Variants in SYN3 observed in about 807,000 individuals in gnomAD.
SYN3 encodes the protein synapsin-3.
A neutral mutation model predicts 65.8 loss-of-function variants in SYN3; 35 were observed. The ratio of observed to expected loss-of-function variants is 0.53; its 90% CI spans 0.41 to 0.70. The LOEUF is 0.70. SYN3 is among the 30% of genes least tolerant of loss of function. SYN3 has a pLI of 0.00. For synonymous variants in SYN3, 270 were observed against 292.9 expected (o/e 0.92, Z 0.80); for missense variants, 680 against 749.0 (o/e 0.91, Z 1.08).
In SYN3 at chr22:32,512,121, GTTTGGT is replaced by G. The variant is rs1568988790; in HGVS notation, c.*1565_*1570del. Among the ~76,000 whole-genome samples the G allele has an allele frequency of 6.6e-6, 1 of 152,192 alleles. No individual in the cohort carries two copies. Among genetic ancestry groups the G allele is most frequent in the Non-Finnish European group, 1.5e-5 (1 of 68,024 alleles). ...CTCTGGCCCTGACGTCACCACTCCA[GTTTGGT>G]TTTGAAGGACCAAAAAGGAGATGAT... On this transcript the variant is annotated 3_prime_UTR_variant, in exon 14 of 14. Coordinates refer to ENST00000358763, the MANE Select transcript of SYN3 (RefSeq NM_003490.4).
intron 12 of SYN3, among the ~76,000 whole-genome samples, chr22:32,523,311 G>C (rs1396728083): frequency 1.3e-5 from 2 of 152,160 alleles, no homozygotes; most frequent in Non-Finnish European, 2.9e-5. Flanking sequence ...AGCAGATCGA[G>C]ACCATCATGG....
At chr22:33,026,189 A>G (rs1432374965) in intron 1 of SYN3, among the ~76,000 whole-genome samples, 1 of 152,184 alleles carries the variant, frequency 6.6e-6, no homozygotes, top group African/African-American at 2.4e-5. Flanking sequence ...TTATTACAGT[A>G]ACTCTTGATA....
rs1038608340 is a variant in SYN3 at position 32,508,029 on chromosome 22, C to G, written c.*5663G>C. ...TTTTCGTCGCCCCAACACTTCAACA[C>G]TATTTTGTTTTATTTTTCTTATTAA... On this transcript the variant is annotated 3_prime_UTR_variant, in exon 14 of 14. Transcript: ENST00000358763. 9.9e-5 allele frequency among the ~76,000 whole-genome samples: 15 copies of G among 152,172 alleles called. No individual in the cohort carries two copies. The highest frequency in any genetic ancestry group is 2.1e-4 in the Non-Finnish European group (14 of 68,018).
chr22:32,970,411 G>T (rs1010571367), intron 3 of SYN3, among the ~76,000 whole-genome samples: 3 of 151,680 alleles, frequency 2.0e-5, no homozygotes, highest in Non-Finnish European at 2.9e-5. Context: ...TGAGGCCAAG[G>T]TGGGAGGATC....
intron 6 of SYN3, among the ~76,000 whole-genome samples, chr22:32,642,751 G>A (rs1475469193): frequency 6.6e-6 from 1 of 151,988 alleles, no homozygotes; most frequent in African/African-American, 2.4e-5. Flanking sequence ...TGAGATGGGG[G>A]TCTCACTATG....
rs1019218374 is a variant in SYN3 at position 32,981,938 on chromosome 22, C to T, written c.312-1236G>A. 3.3e-5 allele frequency among the ~76,000 whole-genome samples: 5 copies of T among 152,094 alleles called. No individual in the cohort carries two copies. In the East Asian group the frequency reaches 9.6e-4, roughly 29 times the overall value. ...TGGTTTATCTTGGTATCCTCCAACC[C>T]TCCAATTTAGTCTTCAGAAATATGT... On this transcript the variant is annotated intron_variant, in intron 2 of 13. Transcript: ENST00000358763.
intron 9 of SYN3, among the ~76,000 whole-genome samples, chr22:32,537,167 C>CT (rs901851561): frequency 1.3e-4 from 19 of 149,200 alleles, no homozygotes; most frequent in South Asian, 4.3e-4. Context: ...CCTTCCCCCC[C>CT]TTTTTTTTTT....
intron 6 of SYN3, among the ~76,000 whole-genome samples, chr22:32,752,369 C>A (rs558138568): frequency 4.6e-5 from 7 of 152,170 alleles, no homozygotes; most frequent in Non-Finnish European, 8.8e-5. Context: ...TCCTCACTAC[C>A]AAAATCTTGC....
At position 32,631,309 on chromosome 22, in the gene SYN3, CAAA is replaced by C. The variant is rs10606436; in HGVS notation, c.712-34576_712-34574del. On this transcript the variant is annotated intron_variant, in intron 6 of 13. Coordinates refer to ENST00000358763, the MANE Select transcript of SYN3 (RefSeq NM_003490.4). ...AAACTCCATCTCAAAACGAAACAAG[CAAA>C]AAAAAAAAAAAAACCCAGAAAAACC... is the stretch of plus-strand genomic sequence containing the variant. Among the ~76,000 whole-genome samples, 564 of 133,858 alleles carry C rather than the reference CAAA, an allele frequency of 4.2e-3. 7 individuals carry two copies. The highest frequency in any genetic ancestry group is 0.014 in the African/African-American group (520 of 36,768). 87.8% of individuals were successfully genotyped at this position (133,858 alleles called of 152,430 possible).
intron 6 of SYN3, among the ~76,000 whole-genome samples, chr22:32,678,992 C>T (rs2060484534): frequency 6.7e-6 from 1 of 148,492 alleles, no homozygotes; most frequent in Non-Finnish European, 1.5e-5. Flanking sequence ...TTTTTTAAGG[C>T]TAAATAATAT....
chr22:33,045,471 T>TC (rs2054044957), intron 1 of SYN3, among the ~76,000 whole-genome samples: 1 of 137,304 alleles, frequency 7.3e-6, no homozygotes, highest in Non-Finnish European at 1.6e-5. Context: ...TTTTTTTTTT[T>TC]TTTTTTTTTT....
At chr22:33,012,570 G>T (rs2053375187) in intron 1 of SYN3, among the ~76,000 whole-genome samples, 1 of 152,230 alleles carries the variant, frequency 6.6e-6, no homozygotes, top group Non-Finnish European at 1.5e-5. Context: ...CTTGCAAGCA[G>T]GAAGTTTATT....
rs765668968 is a variant in SYN3, at chr22:33,006,544, A to C, written c.119T>G (p.Met40Arg). The C allele has an allele frequency of 4.0e-5, 65 of 1,614,074 alleles. No homozygotes were observed. The highest frequency in any genetic ancestry group is 5.5e-5 in the Non-Finnish European group (65 of 1,180,046). ...SSTSSPASPA[M>R]ERRHPQPLAA... ...CAGGGGCTGGGGGTGCCTCCTCTCC[A>C]TGGCGGGGGAAGCAGGTGAGCTGGT... The change falls in exon 2 of 14, where the codon ATG becomes AGG. Residue 40 changes from methionine (M) to arginine (R), a missense_variant. Met to Arg is a moderately conservative substitution (Grantham distance 91). Transcript: ENST00000358763.
intron 5 of SYN3, among the ~76,000 whole-genome samples, chr22:32,865,228 T>G (rs1326290213): frequency 6.6e-6 from 1 of 152,210 alleles, no homozygotes; most frequent in Non-Finnish European, 1.5e-5. Flanking sequence ...ACCTAGTAAG[T>G]AGGCAGAACA....
At chr22:32,701,663 A>G (rs1288446995) in intron 6 of SYN3, among the ~76,000 whole-genome samples, 3 of 152,220 alleles carry the variant, frequency 2.0e-5, no homozygotes, top group African/African-American at 7.2e-5. Flanking sequence ...AAGTGAAATT[A>G]AATGCAAATT....
At chr22:32,556,381 T>C (rs2058496053) in intron 7 of SYN3, among the ~76,000 whole-genome samples, 1 of 152,296 alleles carries the variant, frequency 6.6e-6, no homozygotes, top group African/African-American at 2.4e-5. Flanking sequence ...TACTTAGTTT[T>C]TGGCACAACC....
intron 6 of SYN3, among the ~76,000 whole-genome samples, chr22:32,709,644 A>G (rs974910083): frequency 6.6e-6 from 1 of 152,196 alleles, no homozygotes; most frequent in African/African-American, 2.4e-5. Context: ...TTAAAAAAGG[A>G]ATATCACCTC....
At chr22:32,855,456 G>A (rs937374854) in intron 6 of SYN3, among the ~76,000 whole-genome samples, 1 of 152,218 alleles carries the variant, frequency 6.6e-6, no homozygotes, top group East Asian at 1.9e-4. Flanking sequence ...ATGGGTAAGA[G>A]TATGGACTCT....
rs2058233885 is a variant in SYN3, at chr22:32,540,294, C to G, written c.917+1277G>C. Among the ~76,000 whole-genome samples, 3 of 152,314 alleles carry G rather than the reference C, an allele frequency of 2.0e-5. No individual in the cohort carries two copies. In the South Asian group the frequency reaches 6.2e-4, roughly 32 times the overall value. On this transcript the variant is annotated intron_variant, in intron 8 of 13. Coordinates refer to ENST00000358763, the MANE Select transcript of SYN3 (RefSeq NM_003490.4). ...TGATCAACAGAACTGTATTTAGAGA[C>G]AGGTGGCAGCTGGATTCGGCCTGTG...
Sources: gnomAD v4.1 joint callset for allele counts (sites outside exome capture counted in the v4.1 genomes callset) on GRCh38, gnomAD v4.1.1 for gene constraint, MANE v1.5 for transcripts, NCBI Gene and HGNC (gene_info 2026-07-23, HGNC 2026-07-21) for gene names.